XKR5: variants seen among roughly 807,000 people sequenced by gnomAD.
XKR5 encodes the protein XK related 5.
A neutral mutation model predicts 40.8 loss-of-function variants in XKR5; 46 were observed. The ratio of observed to expected loss-of-function variants is 1.13; its 90% CI spans 0.89 to 1.44. The LOEUF (loss-of-function observed/expected upper bound fraction) is 1.44, where lower values mean the gene tolerates loss of function less well. Ranked by LOEUF, XKR5 falls within the 40% of genes most tolerant of loss-of-function variation. The probability of loss-of-function intolerance (pLI) is 0.00; values close to 1 mark genes in which losing one functional copy is unlikely to be tolerated. For missense variants in XKR5, 1,169 were observed against 844.7 expected (o/e 1.38, Z -4.76); for synonymous variants, 466 against 356.1 (o/e 1.31, Z -3.48).
chr8:6,826,325 G>C (rs1357436465), intron 2 of XKR5, among the ~76,000 whole-genome samples: 1 of 150,432 alleles, frequency 6.6e-6, no homozygotes, highest in African/African-American at 2.5e-5. Flanking sequence ...AGTGTGTGCA[G>C]TGTGAGTGTG....
chr8:6,822,133 C>T, intron 4 of XKR5, 95 bp from the exon 5 acceptor site: 2 of 1,251,024 alleles, frequency 1.6e-6, no homozygotes, highest in South Asian at 1.6e-5. Flanking sequence ...GCTCTCCGAC[C>T]ACATTTGACT....
rs1003760200 is a variant in XKR5, at chr8:6,835,432, T to C, written c.58+4A>G. ...TGAGCACAGCCTCGGGCTGCCGCAC[T>C]CACGCGCGCTCTGCTCGGCCGCCTG... On this transcript the variant is annotated splice_donor_region_variant and intron_variant, in intron 1 of 6. Coordinates refer to ENST00000618742, the MANE Select transcript of XKR5 (RefSeq NM_207411.5). 84 of 1,481,360 alleles carry C rather than the reference T, an allele frequency of 5.7e-5. No homozygotes were observed. The highest frequency in any genetic ancestry group is 7.1e-5 in the Non-Finnish European group (80 of 1,122,760). 91.8% of individuals were successfully genotyped at this position (1,481,360 alleles called of 1,614,324 possible). A position where few individuals can be genotyped will look rare whatever the true frequency, so the allele number is the denominator to read the frequency against.
chr8:6,833,040 C>T, intron 1 of XKR5, 140 bp from the exon 2 acceptor site: 2 of 777,052 alleles, frequency 2.6e-6, no homozygotes, highest in South Asian at 2.4e-5. Context: ...GAGTGACTGT[C>T]CCTCCCAAGG....
At chr8:6,813,273 A>G (rs983771231) in intron 6 of XKR5, among the ~76,000 whole-genome samples, 1 of 152,224 alleles carries the variant, frequency 6.6e-6, no homozygotes, top group African/African-American at 2.4e-5. Flanking sequence ...CCTCTGCAGT[A>G]GGTCCTGCTC....
chr8:6,831,279 C>T lies in XKR5; in HGVS notation c.242+1438G>A, dbSNP rs1012355671. 5.3e-5 allele frequency among the ~76,000 whole-genome samples: 8 copies of T among 152,196 alleles called. No individual in the cohort carries two copies. In the East Asian group the frequency reaches 5.8e-4, roughly 11 times the overall value. ...CCGAAAGATCCTTCTCTGCCTTCTC[C>T]GCCATGGAAGGAAGGGCCCTGTCTT... On this transcript the variant is annotated intron_variant, in intron 2 of 6. Transcript: ENST00000618742.
rs1280459241 is a variant in XKR5, at chr8:6,814,983, GAC to G, written c.919+822_919+823del. On this transcript the variant is annotated intron_variant, in intron 6 of 6. Coordinates refer to ENST00000618742, the MANE Select transcript of XKR5 (RefSeq NM_207411.5). ...CCAGGCACCTCTTCAGGGTGTGGGT[GAC>G]AGAGAGCAGGCTCTGGAGGGAGGGC... 2.0e-5 allele frequency among the ~76,000 whole-genome samples: 3 copies of G among 152,342 alleles called. No homozygotes were observed. In the East Asian group the frequency reaches 5.8e-4, roughly 29 times the overall value.
Position 6,811,826 on chromosome 8 carries a change from T to A in XKR5, c.1433A>T (p.Glu478Val). The A allele has an allele frequency of 6.5e-7, 1 of 1,537,664 alleles. No homozygotes were observed. Among genetic ancestry groups the A allele is most frequent in the Non-Finnish European group, 8.7e-7 (1 of 1,147,008 alleles). ...ACTTGAGGTTTCCAATGGGTCGGCC[T>A]CTGCTTTAGGGACACCTTCAAACGC... ...SSAFEGVPKAEADPLETSSYV... is the reference protein window; with the variant it reads ...SSAFEGVPKAVADPLETSSYV... Residue 478 changes from glutamate to valine, a missense_variant, in exon 7 of 7, where the codon GAG becomes GTG. Transcript: ENST00000618742.
intron 1 of XKR5, among the ~76,000 whole-genome samples, chr8:6,833,509 T>C (rs553515236): frequency 2.0e-5 from 3 of 152,314 alleles, no homozygotes; most frequent in South Asian, 2.1e-4. Flanking sequence ...GGTGGGCAGA[T>C]TGCTCGACGT....
rs1336648712 is a variant in XKR5 at position 6,811,924 on chromosome 8, C to G, written c.1335G>C (p.Gln445His). The G allele has an allele frequency of 1.3e-6, 2 of 1,537,278 alleles. No homozygotes were observed. The highest frequency in any genetic ancestry group is 2.0e-5 in the Admixed American group (1 of 50,990). ...AWGLSQQDYL[Q>H]RKALSAQQEL... ...CTTGCTGGGCAGACAAGGCCTTTCTCTGCAGGTAGTCCTGTTGACTCAACC... is the reference window on the plus strand; with the variant it reads ...CTTGCTGGGCAGACAAGGCCTTTCTGTGCAGGTAGTCCTGTTGACTCAACC... The change falls in exon 7 of 7, where the codon CAG (glutamine) becomes CAC (histidine). Residue 445 changes from glutamine to histidine, a missense_variant. Coordinates refer to ENST00000618742, the MANE Select transcript of XKR5 (RefSeq NM_207411.5).
In XKR5 at chr8:6,811,144, C is replaced by G. The variant is rs867013650; in HGVS notation, c.*54G>C. ...AAGTGGGATTTCCTTTCTCACGGTA[C>G]CAAATGGCCAGCTTGGTTTGTCAGC... On this transcript the variant is annotated 3_prime_UTR_variant, in exon 7 of 7. Transcript: ENST00000618742. The G allele has an allele frequency of 2.1e-4, 303 of 1,475,372 alleles. 2 individuals carry two copies. Among genetic ancestry groups the G allele is most frequent in the Middle Eastern group, 1.1e-3 (6 of 5,300 alleles). The allele number at this position is 1,475,372 out of a possible 1,614,324, so 91.4% of individuals were successfully genotyped here.
intron 2 of XKR5, among the ~76,000 whole-genome samples, chr8:6,827,589 G>C (rs1232004534): frequency 6.6e-6 from 1 of 152,200 alleles, no homozygotes; most frequent in Non-Finnish European, 1.5e-5. Flanking sequence ...ACTGTGTCTT[G>C]ATTCCTGACA....
chr8:6,833,313 C>G (rs1019844077), intron 1 of XKR5, among the ~76,000 whole-genome samples: 5 of 152,242 alleles, frequency 3.3e-5, no homozygotes, highest in Non-Finnish European at 7.3e-5. Flanking sequence ...TCCCCTGGTT[C>G]CTGTCTCCTG....
rs373630917 is a variant in XKR5 at position 6,822,840 on chromosome 8, TC to T, written c.637+680del. Among the ~76,000 whole-genome samples, 741 of 152,316 alleles carry T rather than the reference TC, an allele frequency of 4.9e-3. 12 individuals carry two copies. The highest frequency in any genetic ancestry group is 0.014 in the African/African-American group (593 of 41,558). On this transcript the variant is annotated intron_variant, in intron 4 of 6. Transcript: ENST00000618742. Reference sequence around the variant, plus strand: ...GGAGGGCTTGGATTTAGTGGAGCTGTCCTATTTGCAACAGAGGAGATGTCCA... The same window carrying T: ...GGAGGGCTTGGATTTAGTGGAGCTGTCTATTTGCAACAGAGGAGATGTCCA...
intron 5 of XKR5, 125 bp from the exon 6 acceptor site, chr8:6,816,043 T>C: frequency 1.5e-6 from 1 of 665,178 alleles, no homozygotes; most frequent in African/African-American, 1.8e-5. Flanking sequence ...GACTCCAGGC[T>C]GCTGAGGAGT....
intron 4 of XKR5, among the ~76,000 whole-genome samples, chr8:6,823,122 G>A (rs1212058216): frequency 2.0e-5 from 3 of 152,188 alleles, no homozygotes; most frequent in Non-Finnish European, 4.4e-5. Context: ...AAGACAGCCA[G>A]CACGCGTTCC....
intron 2 of XKR5, among the ~76,000 whole-genome samples, chr8:6,826,059 T>C (rs1425921594): frequency 6.6e-6 from 1 of 152,116 alleles, no homozygotes; most frequent in Non-Finnish European, 1.5e-5. Context: ...GATGAATGTG[T>C]ATGGATTTGT....
chr8:6,812,139 A>G lies in XKR5; in HGVS notation c.1120T>C (p.Leu374=), dbSNP rs1412966859. The part of the protein sequence containing the change: ...CQGASYEPTI[L]GKPPTPEQVP... ...TGCTCAGGGGTAGGGGGCTTCCCTA[A>G]AATGGTTGGTTCATAACTTGCCCCT... Residue 374 remains leucine, a synonymous_variant, in exon 7 of 7, where the codon TTA becomes CTA. Coordinates refer to ENST00000618742, the MANE Select transcript of XKR5 (RefSeq NM_207411.5). The G allele has an allele frequency of 6.4e-7, 1 of 1,550,794 alleles. No homozygotes were observed. The highest frequency in any genetic ancestry group is 1.2e-5 in the South Asian group (1 of 84,064).
At chr8:6,834,947 C>T (rs561080199) in intron 1 of XKR5, among the ~76,000 whole-genome samples, 5 of 152,322 alleles carry the variant, frequency 3.3e-5, no homozygotes, top group African/African-American at 1.2e-4. Context: ...CCCCCTCCCC[C>T]CGCCACCCCT....
At chr8:6,817,538 G>T (rs1465507009) in intron 5 of XKR5, among the ~76,000 whole-genome samples, 1 of 151,628 alleles carries the variant, frequency 6.6e-6, no homozygotes, top group Non-Finnish European at 1.5e-5. Context: ...CACTGACCGA[G>T]TTTCCAGCAG....
Sources: allele counts gnomAD v4.1 joint callset (sites outside exome capture counted in the v4.1 genomes callset), GRCh38; gene constraint gnomAD v4.1.1; transcripts MANE v1.5; gene names NCBI Gene and HGNC (gene_info 2026-07-23, HGNC 2026-07-21).